Variants in PLD5 observed in about 807,000 individuals in gnomAD.
PLD5 encodes inactive phospholipase D5.
PLD5 carries 36 observed loss-of-function variants against 61.1 expected under a neutral mutation model. That is an observed-to-expected ratio of 0.59 (90% CI 0.45 to 0.78). PLD5 has a LOEUF of 0.78. Ranked by LOEUF, PLD5 falls within the 30% of genes least tolerant of loss-of-function variation. The pLI, the probability that PLD5 is intolerant of heterozygous loss-of-function variation, is 0.00. For synonymous variants in PLD5, 243 were observed against 242.8 expected (o/e 1.00, Z -0.01); for missense variants, 515 against 644.4 (o/e 0.80, Z 2.17).
intron 5 of PLD5, among the ~76,000 whole-genome samples, chr1:242,163,909 A>G (rs1666098136): frequency 7.4e-6 from 1 of 135,926 alleles, no homozygotes; most frequent in Admixed American, 7.3e-5. Flanking sequence ...GAGAGTTATA[A>G]AATGTGTGTG....
intron 3 of PLD5, among the ~76,000 whole-genome samples, chr1:242,266,630 C>T (rs2149105049): frequency 6.6e-6 from 1 of 152,340 alleles, no homozygotes; most frequent in South Asian, 2.1e-4. Context: ...TGTTGGTTCA[C>T]AAACTCAAAT....
chr1:242,356,522 A>G (rs554602269), intron 1 of PLD5, among the ~76,000 whole-genome samples: 2 of 152,022 alleles, frequency 1.3e-5, no homozygotes, highest in East Asian at 1.9e-4. Context: ...TCATCACTCT[A>G]TGTCTTTTGA....
intron 3 of PLD5, among the ~76,000 whole-genome samples, chr1:242,275,709 A>G (rs1251178909): frequency 6.6e-6 from 1 of 152,236 alleles, no homozygotes. Context: ...ATAATCCAGC[A>G]TAAGGCCTCA....
chr1:242,262,323 G>A (rs144991805), intron 4 of PLD5, among the ~76,000 whole-genome samples: 1,809 of 152,302 alleles, frequency 0.012, 46 homozygotes, highest in African/African-American at 0.041. Flanking sequence ...AAGAGGGACT[G>A]AGAAGGCTTT....
At chr1:242,158,709 G>T (rs750861025) in intron 5 of PLD5, among the ~76,000 whole-genome samples, 2 of 152,016 alleles carry the variant, frequency 1.3e-5, no homozygotes, top group East Asian at 3.9e-4. Flanking sequence ...GAAATCACCC[G>T]CTTTCTGTGT....
At chr1:242,393,103 C>T (rs1572044338) in intron 1 of PLD5, among the ~76,000 whole-genome samples, 1 of 151,228 alleles carries the variant, frequency 6.6e-6, no homozygotes, top group East Asian at 2.0e-4. Flanking sequence ...ACTCAGGAGG[C>T]TGAGGCAGGA....
chr1:242,333,967 C>G (rs1659349091), intron 2 of PLD5, among the ~76,000 whole-genome samples: 1 of 152,132 alleles, frequency 6.6e-6, no homozygotes, highest in Non-Finnish European at 1.5e-5. Flanking sequence ...CATGGGCATG[C>G]AGATAACTCT....
intron 9 of PLD5, among the ~76,000 whole-genome samples, chr1:242,097,486 TTC>T (rs1185218338): frequency 1.3e-5 from 2 of 152,230 alleles, no homozygotes; most frequent in Non-Finnish European, 1.5e-5. Flanking sequence ...TGATTTGCAT[TTC>T]TCTGATGGCC....
rs138206401 is a variant in PLD5, at chr1:242,270,692, C to T, written c.496-5244G>A. 5.6e-3 allele frequency among the ~76,000 whole-genome samples: 845 copies of T among 152,224 alleles called. 10 individuals are homozygous for T. Among genetic ancestry groups the T allele is most frequent in the African/African-American group, 0.019 (787 of 41,542 alleles). On this transcript the variant is annotated intron_variant, in intron 3 of 9. Coordinates refer to ENST00000536534, the MANE Select transcript of PLD5 (RefSeq NM_001372062.1). ...AGAGGCCTGCAGAATAATTCTTAGC[C>T]CTATATGAGTGTTCCAGAGTTGCCT...
chr1:242,475,952 C>G (rs1667583374), intron 1 of PLD5, among the ~76,000 whole-genome samples: 1 of 152,182 alleles, frequency 6.6e-6, no homozygotes, highest in Admixed American at 6.5e-5. Context: ...GCTGCCACCT[C>G]AGTCTTGGAC....
chr1:242,266,207 T>C (rs71498832), intron 3 of PLD5, among the ~76,000 whole-genome samples: 3 of 152,140 alleles, frequency 2.0e-5, no homozygotes, highest in Non-Finnish European at 4.4e-5. Flanking sequence ...CTGGTGAAAC[T>C]CTGTTTCTAC....
At chr1:242,462,572 G>T (rs1259171245) in intron 1 of PLD5, among the ~76,000 whole-genome samples, 1 of 150,320 alleles carries the variant, frequency 6.7e-6, no homozygotes, top group Non-Finnish European at 1.5e-5. Flanking sequence ...TAAAAAATCT[G>T]CACATGGACC....
intron 2 of PLD5, among the ~76,000 whole-genome samples, chr1:242,308,951 G>C (rs902617892): frequency 6.6e-6 from 1 of 152,122 alleles, no homozygotes; most frequent in African/African-American, 2.4e-5. Flanking sequence ...AGGGGAGGAT[G>C]GAAGGAGGAG....
chr1:242,127,896 C>T (rs189195008), intron 5 of PLD5, among the ~76,000 whole-genome samples: 220 of 152,300 alleles, frequency 1.4e-3, no homozygotes, highest in African/African-American at 5.2e-3. Flanking sequence ...AATCATTTGA[C>T]TTTTGAGTCC....
chr1:242,331,289 C>T (rs12032330), intron 2 of PLD5, among the ~76,000 whole-genome samples: 3 of 152,046 alleles, frequency 2.0e-5, no homozygotes, highest in African/African-American at 7.2e-5. Context: ...CAAATGGGCA[C>T]CCCTGGACAG....
At position 242,488,773 on chromosome 1, in the gene PLD5, C is replaced by T. The variant is rs114336559; in HGVS notation, c.189+35315G>A. Among the ~76,000 whole-genome samples the T allele has an allele frequency of 2.4e-3, 359 of 152,164 alleles. 2 individuals are homozygous for T. The highest frequency in any genetic ancestry group is 8.3e-3 in the African/African-American group (346 of 41,526). ...TGTATCAATATTGGCTCTTCAATTA[C>T]AACATTAGTGTAACACACTAATGCA... On this transcript the variant is annotated intron_variant, in intron 1 of 9. Transcript: ENST00000536534.
At position 242,332,499 on chromosome 1, in the gene PLD5, A is replaced by G. The variant is rs539505184; in HGVS notation, c.326+15607T>C. Among the ~76,000 whole-genome samples, 7 of 152,322 alleles carry G rather than the reference A, an allele frequency of 4.6e-5. No homozygotes were observed. The East Asian group carries it at 1.3e-3, about 29-fold the overall frequency. ...GGTTGAACTAATTTACACTCCCACC[A>G]ACAGTGTAAAAGCGTTCCTATTTCT... On this transcript the variant is annotated intron_variant, in intron 2 of 9. Transcript: ENST00000536534.
chr1:242,434,098 C>T (rs1665865803), intron 1 of PLD5, among the ~76,000 whole-genome samples: 1 of 152,200 alleles, frequency 6.6e-6, no homozygotes, highest in South Asian at 2.1e-4. Context: ...ATCATTCTGA[C>T]CGCTATGCTA....
intron 2 of PLD5, among the ~76,000 whole-genome samples, chr1:242,307,480 C>T (rs1449741651): frequency 2.6e-5 from 4 of 152,104 alleles, no homozygotes; most frequent in Non-Finnish European, 5.9e-5. Context: ...TTAGCATTCT[C>T]GTTTTTAAGA....
Sources: allele counts gnomAD v4.1 joint callset (sites outside exome capture counted in the v4.1 genomes callset), GRCh38; gene constraint gnomAD v4.1.1; transcripts MANE v1.5; gene names NCBI Gene and HGNC (gene_info 2026-07-23, HGNC 2026-07-21).